Variants in NFKB1 observed in about 807,000 individuals in gnomAD.
The protein encoded by NFKB1 is nuclear factor kappa B subunit 1.
Under a neutral mutation model 105.1 loss-of-function variants are expected in NFKB1, and 9 were observed. The ratio of observed to expected loss-of-function variants is 0.09; its 90% confidence interval spans 0.05 to 0.15. The LOEUF (loss-of-function observed/expected upper bound fraction) is 0.15, where lower values mean the gene tolerates loss of function less well. NFKB1 is among the 10% of genes least tolerant of loss of function. The pLI is 1.00. For missense variants in NFKB1, 830 were observed against 1,203.7 expected, an observed-to-expected ratio of 0.69 and a Z score of 4.59; for synonymous variants, 440 against 442.2, an observed-to-expected ratio of 1.00 and a Z score of 0.06.
intron 1 of NFKB1, chr4:102,510,787 G>C (rs959336195): frequency 4.1e-6 from 1 of 241,660 alleles, no homozygotes; most frequent in Non-Finnish European, 7.2e-6. Flanking sequence ...ATGCTAGATT[G>C]ATTCAAGGTC....
intron 16 of NFKB1, 105 bp from the exon 17 acceptor site, chr4:102,606,391 T>C: frequency 9.5e-7 from 1 of 1,055,868 alleles, no homozygotes; most frequent in Non-Finnish European, 1.5e-6. Context: ...ATGAGAAATA[T>C]TCCTGCAGTA....
intron 1 of NFKB1, among the ~76,000 whole-genome samples, chr4:102,524,154 C>T (rs141228062): frequency 6.6e-6 from 1 of 151,772 alleles, no homozygotes; most frequent in Non-Finnish European, 1.5e-5. Context: ...TAAAATTAAC[C>T]TTTATTTGAA....
intron 5 of NFKB1, among the ~76,000 whole-genome samples, chr4:102,563,108 G>A (rs190137898): frequency 4.7e-4 from 72 of 152,202 alleles, no homozygotes; most frequent in Admixed American, 1.2e-3. Flanking sequence ...TTACCCCAAC[G>A]TGACAAAATT....
intron 1 of NFKB1, among the ~76,000 whole-genome samples, chr4:102,513,612 T>G (rs969980353): frequency 1.3e-5 from 2 of 152,194 alleles, no homozygotes; most frequent in Non-Finnish European, 2.9e-5. Flanking sequence ...ATAATTTAGA[T>G]GCTTCTTTCA....
intron 5 of NFKB1, 105 bp from the exon 6 acceptor site, chr4:102,566,882 A>G: frequency 8.6e-7 from 1 of 1,160,074 alleles, no homozygotes; most frequent in Non-Finnish European, 1.2e-6. Context: ...ACATATATGA[A>G]TAACTTTATA....
At chr4:102,539,169 G>A (rs1412262046) in intron 5 of NFKB1, among the ~76,000 whole-genome samples, 4 of 150,886 alleles carry the variant, frequency 2.7e-5, no homozygotes, top group Non-Finnish European at 4.4e-5. Flanking sequence ...CCTGGGAAGC[G>A]GAGGTTGCAG....
intron 16 of NFKB1, among the ~76,000 whole-genome samples, chr4:102,605,395 G>A (rs1295326674): frequency 1.3e-5 from 2 of 152,190 alleles, no homozygotes; most frequent in Non-Finnish European, 2.9e-5. Context: ...ACACAGCTAG[G>A]AGGTTGGTGG....
chr4:102,610,498 G>T, intron 19 of NFKB1, 77 bp from the exon 20 acceptor site: 1 of 1,523,286 alleles, frequency 6.6e-7, no homozygotes, highest in South Asian at 1.2e-5. Context: ...CTTTGCCTTT[G>T]GGAATCTGAC....
At position 102,573,360 on chromosome 4, in the gene NFKB1, A is replaced by G. The variant is rs187134509; in HGVS notation, c.408-3516A>G. Among the ~76,000 whole-genome samples the G allele has an allele frequency of 2.0e-5, 3 of 152,232 alleles. No individual in the cohort carries two copies. The East Asian group carries it at 5.8e-4, about 29-fold the overall frequency. On this transcript the variant is annotated intron_variant, in intron 6 of 23. Transcript: ENST00000226574. ...TATTATTCTTTCACATCCTTAAACT[A>G]TGTTGTTCCACTGTCTTCTGATTTG... is the stretch of plus-strand genomic sequence containing the variant.
At chr4:102,602,741 A>G (rs1440897099) in intron 16 of NFKB1, among the ~76,000 whole-genome samples, 1 of 152,194 alleles carries the variant, frequency 6.6e-6, no homozygotes, top group African/African-American at 2.4e-5. Flanking sequence ...AAGGAAAAGT[A>G]AAGTTAGTGA....
At chr4:102,524,207 A>G (rs1035783646) in intron 1 of NFKB1, among the ~76,000 whole-genome samples, 8 of 152,158 alleles carry the variant, frequency 5.3e-5, no homozygotes, top group Admixed American at 3.9e-4. Flanking sequence ...CTCAAATGAT[A>G]TGTGATTTTA....
chr4:102,601,566 T>G (rs1173742665), intron 16 of NFKB1, among the ~76,000 whole-genome samples: 1 of 152,192 alleles, frequency 6.6e-6, no homozygotes, highest in Non-Finnish European at 1.5e-5. Context: ...CAGGTTTTCT[T>G]AGGAATTAAT....
At chr4:102,517,733 A>G (rs575230383) in intron 1 of NFKB1, among the ~76,000 whole-genome samples, 2 of 152,308 alleles carry the variant, frequency 1.3e-5, no homozygotes, top group Admixed American at 1.3e-4. Context: ...TGAAGAGTGG[A>G]TGCTATTGAG....
intron 7 of NFKB1, chr4:102,577,973 T>C: frequency 1.0e-6 from 1 of 985,472 alleles, no homozygotes; most frequent in Non-Finnish European, 1.2e-6. Context: ...AAATCCAAAT[T>C]CTGTAAGTTG....
chr4:102,542,269 A>G (rs756493147), intron 5 of NFKB1, among the ~76,000 whole-genome samples: 7 of 152,304 alleles, frequency 4.6e-5, no homozygotes, highest in Non-Finnish European at 1.0e-4. Context: ...AACTCAGGCT[A>G]CTGAACCATC....
chr4:102,598,036 T>C (rs1726786837), intron 15 of NFKB1, among the ~76,000 whole-genome samples: 1 of 152,224 alleles, frequency 6.6e-6, no homozygotes. Flanking sequence ...TGCATATTTA[T>C]GACAGTGTAC....
chr4:102,544,328 A>G (rs1482119177), intron 5 of NFKB1, among the ~76,000 whole-genome samples: 1 of 152,102 alleles, frequency 6.6e-6, no homozygotes, highest in Non-Finnish European at 1.5e-5. Flanking sequence ...GAAATGCTTT[A>G]TGTTGCTCAA....
At chr4:102,532,228 A>G (rs113692063) in intron 3 of NFKB1, among the ~76,000 whole-genome samples, 3,484 of 151,966 alleles carry the variant, frequency 0.023, 64 homozygotes, top group African/African-American at 0.059. Context: ...TCATTTTTCA[A>G]CTCGCTTCCT....
intron 4 of NFKB1, among the ~76,000 whole-genome samples, chr4:102,537,306 T>C (rs1460378709): frequency 6.6e-6 from 1 of 152,178 alleles, no homozygotes; most frequent in African/African-American, 2.4e-5. Flanking sequence ...AAAAATCTTA[T>C]CCTCTGAAAT....
Sources: allele counts gnomAD v4.1 joint callset (sites outside exome capture counted in the v4.1 genomes callset), GRCh38; gene constraint gnomAD v4.1.1; transcripts MANE v1.5; gene names NCBI Gene and HGNC (gene_info 2026-07-23, HGNC 2026-07-21).